The following FBXO32 variants were observed in gnomAD, a reference collection of about 807,000 sequenced individuals.
FBXO32 encodes F-box protein 32.
A neutral mutation model predicts 48.3 loss-of-function variants in FBXO32; 15 were observed. The ratio of observed to expected loss-of-function variants is 0.31; its 90% confidence interval spans 0.21 to 0.48. The LOEUF (loss-of-function observed/expected upper bound fraction) is 0.48. FBXO32 is among the 20% of genes least tolerant of loss of function. The pLI is 0.99. For missense variants in FBXO32, 309 were observed against 432.7 expected, an observed-to-expected ratio of 0.71 and a Z score of 2.54; for synonymous variants, 154 against 165.9, an observed-to-expected ratio of 0.93 and a Z score of 0.55.
intron 1 of FBXO32, among the ~76,000 whole-genome samples, chr8:123,537,394 C>G (rs1817328433): frequency 6.6e-6 from 1 of 151,880 alleles, no homozygotes; most frequent in African/African-American, 2.4e-5. Context: ...CTGCACAGCC[C>G]CACATTACCA....
At chr8:123,538,658 C>T (rs1817355036) in intron 1 of FBXO32, among the ~76,000 whole-genome samples, 1 of 152,128 alleles carries the variant, frequency 6.6e-6, no homozygotes, top group South Asian at 2.1e-4. Context: ...AAATACCCTG[C>T]AAACAAACAG....
In FBXO32 at chr8:123,530,916, C is replaced by CT. The variant is rs904795067; in HGVS notation, c.372+981dup. 2.5e-3 allele frequency among the ~76,000 whole-genome samples: 336 copies of CT among 136,758 alleles called. 3 individuals are homozygous for CT. The South Asian group carries it at 0.027, about 11-fold the overall frequency. 89.7% of individuals were successfully genotyped at this position (136,758 alleles called of 152,430 possible). A position where few individuals can be genotyped will look rare whatever the true frequency, so the allele number is the denominator to read the frequency against. ...ACAGGCGTGAGCCAATGCACCCAGC[C>CT]TTTTTTTTTTTTTCTCAAAATACGG... is the stretch of plus-strand genomic sequence containing the variant. On this transcript the variant is annotated intron_variant, in intron 4 of 8. Transcript: ENST00000517956.
chr8:123,502,870 G>C lies in FBXO32; in HGVS notation c.*503C>G, dbSNP rs1816525789. 6.5e-6 allele frequency: 1 copy of C among 153,262 alleles called. No homozygotes were observed. Among genetic ancestry groups the C allele is most frequent in the Admixed American group, 6.5e-5 (1 of 15,418 alleles). The allele number at this position is 153,262 out of a possible 1,614,324, so 9.5% of individuals were successfully genotyped here. A position where few individuals can be genotyped will look rare whatever the true frequency, so the allele number is the denominator to read the frequency against. Reference sequence around the variant, plus strand: ...TCTGTGCCCATGCAGGTTTAGGATGGGTGGCGCTTCCTTCGCCTTCTCAAA... The same window carrying C: ...TCTGTGCCCATGCAGGTTTAGGATGCGTGGCGCTTCCTTCGCCTTCTCAAA... On this transcript the variant is annotated 3_prime_UTR_variant, in exon 9 of 9. Transcript: ENST00000517956.
intron 4 of FBXO32, among the ~76,000 whole-genome samples, 189 bp from the exon 5 acceptor site, chr8:123,514,522 T>C (rs1047106805): frequency 5.3e-5 from 8 of 152,166 alleles, no homozygotes; most frequent in African/African-American, 1.9e-4. Flanking sequence ...AAACCCAGGA[T>C]TGGGTTGAAT....
At chr8:123,519,010 G>C (rs1036574187) in intron 4 of FBXO32, among the ~76,000 whole-genome samples, 1 of 152,076 alleles carries the variant, frequency 6.6e-6, no homozygotes, top group African/African-American at 2.4e-5. Flanking sequence ...TCTATTTGTA[G>C]AGACAGGGTC....
At chr8:123,503,572 C>G (rs1563918192) in intron 8 of FBXO32, 110 bp from the exon 9 acceptor site, 2 of 750,212 alleles carry the variant, frequency 2.7e-6, no homozygotes, top group East Asian at 5.4e-5. Context: ...CAATAATGCC[C>G]CAGGCCTAAA....
At chr8:123,538,446 A>C (rs570176528) in intron 1 of FBXO32, among the ~76,000 whole-genome samples, 2 of 152,276 alleles carry the variant, frequency 1.3e-5, no homozygotes, top group South Asian at 2.1e-4. Flanking sequence ...TTGTTTTCTC[A>C]TAACAGGAGA....
At position 123,541,102 on chromosome 8, in the gene FBXO32, CA is replaced by C; in HGVS notation, c.-89del. On this transcript the variant is annotated 5_prime_UTR_variant, in exon 1 of 9. Coordinates refer to ENST00000517956, the MANE Select transcript of FBXO32 (RefSeq NM_058229.4). ...CCACCCGGGGCGGATGCTCGGGGTGCAGGGGCCCGCGACGGGGGCGGCGGGG... is the reference window on the plus strand; with the variant it reads ...CCACCCGGGGCGGATGCTCGGGGTGCGGGGCCCGCGACGGGGGCGGCGGGG... 1 of 779,090 alleles carries C rather than the reference CA, an allele frequency of 1.3e-6. No homozygotes were observed. The highest frequency in any genetic ancestry group is 1.8e-6 in the Non-Finnish European group (1 of 546,470). 48.3% of individuals were successfully genotyped at this position (779,090 alleles called of 1,614,324 possible).
intron 6 of FBXO32, among the ~76,000 whole-genome samples, chr8:123,509,542 A>G (rs1374054496): frequency 6.6e-6 from 1 of 152,026 alleles, no homozygotes; most frequent in Non-Finnish European, 1.5e-5. Flanking sequence ...CCTACTAAAA[A>G]TACAAAAATT....
Position 123,513,172 on chromosome 8 carries a change from G to C in FBXO32, c.651+26C>G. ...ATCCCTGTGGAGGGACCCACTGCCGGGAGGAGGCTGGGCCTGCCCGCTTAC... is the reference window on the plus strand; with the variant it reads ...ATCCCTGTGGAGGGACCCACTGCCGCGAGGAGGCTGGGCCTGCCCGCTTAC... On this transcript the variant is annotated intron_variant, in intron 6 of 8. Coordinates refer to ENST00000517956, the MANE Select transcript of FBXO32 (RefSeq NM_058229.4). The surrounding 1 kb of genome is among the most constrained non-coding windows in gnomAD (Gnocchi z 4.3). 1 of 1,613,380 alleles carries C rather than the reference G, an allele frequency of 6.2e-7. No individual in the cohort carries two copies. Among genetic ancestry groups the C allele is most frequent in the South Asian group, 1.1e-5 (1 of 91,024 alleles).
In FBXO32 at chr8:123,506,461, G is replaced by C; in HGVS notation, c.765C>G (p.Asp255Glu). 6.2e-7 allele frequency: 1 copy of C among 1,614,128 alleles called. No homozygotes were observed. The highest frequency in any genetic ancestry group is 8.5e-7 in the Non-Finnish European group (1 of 1,180,022). Reference sequence around the variant, plus strand: ...GCCGGTCTTCGCTGAGCACGTGCAGGTCGGGGGCAGCCTGGCCCAGGCTGA... The same window carrying C: ...GCCGGTCTTCGCTGAGCACGTGCAGCTCGGGGGCAGCCTGGCCCAGGCTGA... The part of the protein sequence containing the change: ...DLVSLGQAAP[D>E]LHVLSEDRLL... Residue 255 changes from aspartate to glutamate, a missense_variant, in exon 7 of 9, where the codon GAC becomes GAG. By Grantham distance (45) the Asp-to-Glu change is conservative. Transcript: ENST00000517956. The surrounding 1 kb of genome is among the most constrained non-coding windows in gnomAD (Gnocchi z 4.0).
intron 4 of FBXO32, among the ~76,000 whole-genome samples, chr8:123,531,005 G>A (rs1161085283): frequency 9.0e-6 from 1 of 111,588 alleles, no homozygotes; most frequent in Non-Finnish European, 1.7e-5. Flanking sequence ...TTTACATGGA[G>A]TCTCACTCCT....
Position 123,500,606 on chromosome 8 carries a change from A to G in FBXO32, c.*2767T>C, listed in dbSNP as rs1297664670. 2.6e-5 allele frequency: 4 copies of G among 152,192 alleles called. No homozygotes were observed. The highest frequency in any genetic ancestry group is 5.9e-5 in the Non-Finnish European group (4 of 68,046). The allele number at this position is 152,192 out of a possible 1,614,324, so 9.4% of individuals were successfully genotyped here. A position where few individuals can be genotyped will look rare whatever the true frequency, so the allele number is the denominator to read the frequency against. Reference sequence around the variant, plus strand: ...AATTGTCTTAACTCTCTTCACTTATATGTGAGGCTCTGGCCATACTTAACA... The same window carrying G: ...AATTGTCTTAACTCTCTTCACTTATGTGTGAGGCTCTGGCCATACTTAACA... On this transcript the variant is annotated 3_prime_UTR_variant, in exon 9 of 9. Transcript: ENST00000517956.
intron 4 of FBXO32, among the ~76,000 whole-genome samples, chr8:123,519,611 T>C (rs892621123): frequency 4.6e-5 from 7 of 151,860 alleles, no homozygotes; most frequent in African/African-American, 1.7e-4. Flanking sequence ...AAACAACTTT[T>C]AATATTAAGG....
intron 6 of FBXO32, among the ~76,000 whole-genome samples, chr8:123,511,718 T>C (rs537585515): frequency 1.3e-5 from 2 of 152,228 alleles, no homozygotes; most frequent in Admixed American, 6.5e-5. Context: ...TCAAGTGATC[T>C]GCCTGCCTCG....
At chr8:123,532,178 A>G in intron 3 of FBXO32, 188 bp from the exon 4 acceptor site, 1 of 1,369,396 alleles carries the variant, frequency 7.3e-7, no homozygotes, top group Non-Finnish European at 9.4e-7. Context: ...TGGGTAACAC[A>G]GCCAGCAGCT....
Position 123,503,342 on chromosome 8 carries a change from AC to A in FBXO32, c.*30del. The stretch of plus-strand genomic sequence containing the variant: ...TCCCAGCTCTCCAGTCAGCAGGGGG[AC>A]CCTTCTGAAGTGTTGTCATGTGCTG... On this transcript the variant is annotated 3_prime_UTR_variant, in exon 9 of 9. Coordinates refer to ENST00000517956, the MANE Select transcript of FBXO32 (RefSeq NM_058229.4). The A allele has an allele frequency of 6.4e-7, 1 of 1,551,614 alleles. No individual in the cohort carries two copies. Among genetic ancestry groups the A allele is most frequent in the South Asian group, 1.1e-5 (1 of 89,586 alleles).
chr8:123,539,828 G>T (rs1021504384), intron 1 of FBXO32, among the ~76,000 whole-genome samples: 7 of 152,174 alleles, frequency 4.6e-5, no homozygotes, highest in African/African-American at 1.7e-4. Flanking sequence ...AGGGTGCAGG[G>T]GCCCATGGTT....
intron 1 of FBXO32, among the ~76,000 whole-genome samples, chr8:123,535,656 G>C (rs547252722): frequency 6.6e-6 from 1 of 152,204 alleles, no homozygotes; most frequent in South Asian, 2.1e-4. Flanking sequence ...GAGGGGTAAT[G>C]AACTATTCTA....
Sources: allele counts gnomAD v4.1 joint callset (sites outside exome capture counted in the v4.1 genomes callset), GRCh38; gene constraint gnomAD v4.1.1; non-coding constraint Gnocchi (gnomAD v3.1); transcripts MANE v1.5; gene names NCBI Gene and HGNC (gene_info 2026-07-23, HGNC 2026-07-21).